Variants in WWP1 observed in about 807,000 individuals in gnomAD.
WWP1 encodes NEDD4-like E3 ubiquitin-protein ligase WWP1.
In WWP1, 49 loss-of-function variants were observed where a neutral mutation model predicts 130.6. That is an observed-to-expected ratio of 0.38 (90% confidence interval 0.30 to 0.48). WWP1 has a LOEUF of 0.48. Among genes scored for constraint, WWP1 ranks in the 20% least tolerant of loss-of-function variants. The pLI, the probability that WWP1 is intolerant of heterozygous loss-of-function variation, is 0.99. For synonymous variants in WWP1, 332 were observed against 367.8 expected (o/e 0.90, Z 1.11); for missense variants, 809 against 1,100.6 (o/e 0.74, Z 3.75).
rs1029097806 is a variant in WWP1, at chr8:86,345,279, T to G, written c.-115+2349T>G. Reference sequence around the variant, plus strand: ...GTGCTACTTTACAACTTTTTGGAGATTACTAATTCTTGGTAAAATGCTGGC... The same window carrying G: ...GTGCTACTTTACAACTTTTTGGAGAGTACTAATTCTTGGTAAAATGCTGGC... On this transcript the variant is annotated intron_variant, in intron 1 of 24. Coordinates refer to ENST00000517970, the MANE Select transcript of WWP1 (RefSeq NM_007013.4). Among the ~76,000 whole-genome samples the G allele has an allele frequency of 2.0e-5, 3 of 152,312 alleles. No individual in the cohort carries two copies. In the East Asian group the frequency reaches 5.8e-4, roughly 29 times the overall value.
At chr8:86,389,806 C>A (rs567028010) in intron 5 of WWP1, among the ~76,000 whole-genome samples, 106 of 150,932 alleles carry the variant, frequency 7.0e-4, no homozygotes, top group South Asian at 1.7e-3. Flanking sequence ...ACCTCCCTCC[C>A]AGATGGGGCG....
intron 5 of WWP1, among the ~76,000 whole-genome samples, chr8:86,389,968 A>G (rs896438425): frequency 1.3e-4 from 20 of 149,000 alleles, no homozygotes; most frequent in Non-Finnish European, 2.1e-4. Context: ...GGGGCTCCTC[A>G]CTTCTCAGAC....
At chr8:86,360,155 AAAAAC>A (rs1823504289) in intron 1 of WWP1, among the ~76,000 whole-genome samples, 1 of 152,104 alleles carries the variant, frequency 6.6e-6, no homozygotes, top group Admixed American at 6.5e-5. Flanking sequence ...AAAAAAAACA[AAAAAC>A]CAAACCAAAC....
intron 18 of WWP1, among the ~76,000 whole-genome samples, chr8:86,444,628 G>C (rs891680808): frequency 1.3e-5 from 2 of 152,180 alleles, no homozygotes; most frequent in African/African-American, 2.4e-5. Flanking sequence ...ATGGTCAACC[G>C]TCATATGTTA....
intron 9 of WWP1, among the ~76,000 whole-genome samples, chr8:86,422,040 A>G (rs1194336028): frequency 6.6e-6 from 1 of 152,122 alleles, no homozygotes; most frequent in Non-Finnish European, 1.5e-5. Context: ...AAGCACTCAC[A>G]TTTAAAAACA....
chr8:86,448,644 A>G (rs1811014659), intron 20 of WWP1, 131 bp downstream of exon 20: 7 of 788,272 alleles, frequency 8.9e-6, no homozygotes, highest in Non-Finnish European at 1.3e-5. Flanking sequence ...TGTTCTTGAA[A>G]AAAGAGAATA....
chr8:86,372,781 C>T (rs1301451662), intron 2 of WWP1, among the ~76,000 whole-genome samples: 5 of 152,048 alleles, frequency 3.3e-5, no homozygotes, highest in African/African-American at 9.7e-5. Flanking sequence ...TTTTCCCCTT[C>T]GTTAGTCTTA....
chr8:86,460,769 TA>T (rs1811715310), intron 22 of WWP1, among the ~76,000 whole-genome samples: 1 of 137,852 alleles, frequency 7.3e-6, no homozygotes, highest in African/African-American at 2.6e-5. Flanking sequence ...TGACAAACCC[TA>T]CAACCTCTTT....
In WWP1 at chr8:86,457,891, T is replaced by C. The variant is rs183941914; in HGVS notation, c.2395-30T>C. 13 of 1,593,058 alleles carry C rather than the reference T, an allele frequency of 8.2e-6. No individual in the cohort carries two copies. The Admixed American group carries it at 1.4e-4, about 17-fold the overall frequency. ...AATTATTCTCTTCACTAAATCTTTATTGTGGCCTGATTCTGTGCTCATTTC... is the reference window on the plus strand; with the variant it reads ...AATTATTCTCTTCACTAAATCTTTACTGTGGCCTGATTCTGTGCTCATTTC... On this transcript the variant is annotated intron_variant, in intron 21 of 24. Coordinates refer to ENST00000517970, the MANE Select transcript of WWP1 (RefSeq NM_007013.4).
In WWP1 at chr8:86,374,108, T is replaced by G; in HGVS notation, c.58T>G (p.Leu20Val). 6.2e-7 allele frequency: 1 copy of G among 1,607,256 alleles called. No individual in the cohort carries two copies. The highest frequency in any genetic ancestry group is 8.5e-7 in the Non-Finnish European group (1 of 1,177,660). Residue 20 changes from leucine to valine, a missense_variant, in exon 3 of 25, where the codon TTA becomes GTA. This residue lies in a region of WWP1 where 262 missense variants were observed against 346.0 expected (regional missense o/e 0.76). Transcript: ENST00000517970. ...TAATAACCACAGTGGAAGGTTGCAG[T>G]TACAGGTAACTGGTAAGTTATTTTT... ...TSNNHSGRLQLQVTVSSAKLK... is the reference protein window; with the variant it reads ...TSNNHSGRLQVQVTVSSAKLK...
intron 10 of WWP1, 22 bp downstream of exon 10, chr8:86,425,340 A>T: frequency 6.4e-7 from 1 of 1,552,936 alleles, no homozygotes. Context: ...CTCTTTATGC[A>T]TTTGTAATTA....
intron 1 of WWP1, among the ~76,000 whole-genome samples, chr8:86,354,201 T>G (rs1217354904): frequency 6.6e-6 from 1 of 152,226 alleles, no homozygotes. Context: ...AACCTGGCAC[T>G]TAGTTTTCAG....
chr8:86,427,550 C>G, intron 10 of WWP1, 93 bp from the exon 11 acceptor site: 1 of 1,335,804 alleles, frequency 7.5e-7, no homozygotes. Flanking sequence ...TTTAACATGT[C>G]TTGAACTTGA....
chr8:86,354,277 T>G (rs1411564117), intron 1 of WWP1, among the ~76,000 whole-genome samples: 1 of 152,212 alleles, frequency 6.6e-6, no homozygotes, highest in African/African-American at 2.4e-5. Flanking sequence ...CAGAATTTTC[T>G]TGAATTTTGG....
intron 5 of WWP1, among the ~76,000 whole-genome samples, chr8:86,391,432 C>T (rs533645292): frequency 2.0e-5 from 3 of 152,052 alleles, no homozygotes; most frequent in South Asian, 2.1e-4. Flanking sequence ...GCTTTCTTTC[C>T]CTTATGTCAC....
intron 1 of WWP1, among the ~76,000 whole-genome samples, chr8:86,349,034 T>C (rs183776621): frequency 0.012 from 1,895 of 152,240 alleles, 50 homozygotes; most frequent in Non-Finnish European, 0.013. Flanking sequence ...CCAGATCTTT[T>C]TTTTTGAGAG....
At chr8:86,445,612 G>A (rs1810818773) in intron 18 of WWP1, among the ~76,000 whole-genome samples, 1 of 152,068 alleles carries the variant, frequency 6.6e-6, no homozygotes, top group Non-Finnish European at 1.5e-5. Flanking sequence ...AGCGCTGTGG[G>A]GAACATACAG....
At chr8:86,425,870 T>C (rs1809594474) in intron 10 of WWP1, among the ~76,000 whole-genome samples, 1 of 152,242 alleles carries the variant, frequency 6.6e-6, no homozygotes, top group Non-Finnish European at 1.5e-5. Context: ...CCTTTACCTT[T>C]GTATTCTTTC....
rs555585296 is a variant in WWP1, at chr8:86,370,855, C to CTTTTTTTTTT, written c.-22+1843_-22+1852dup. 2.4e-3 allele frequency among the ~76,000 whole-genome samples: 107 copies of CTTTTTTTTTT among 44,886 alleles called. 29 individuals are homozygous for CTTTTTTTTTT. Among genetic ancestry groups the CTTTTTTTTTT allele is most frequent in the African/African-American group, 5.0e-3 (48 of 9,652 alleles). 29.4% of individuals were successfully genotyped at this position (44,886 alleles called of 152,430 possible). Reference sequence around the variant, plus strand: ...GGTATTGCTTATAGCTATATTCATTCTTTTTTTTTTTTTTTTTTTTTTTTT... The same window carrying CTTTTTTTTTT: ...GGTATTGCTTATAGCTATATTCATTCTTTTTTTTTTTTTTTTTTTTTTTTTTTTTTTTTTT... On this transcript the variant is annotated intron_variant, in intron 2 of 24. Coordinates refer to ENST00000517970, the MANE Select transcript of WWP1 (RefSeq NM_007013.4).
Sources: gnomAD v4.1 joint callset for allele counts (sites outside exome capture counted in the v4.1 genomes callset) on GRCh38, gnomAD v4.1.1 for gene constraint, gnomAD v4.1.1 regional missense constraint, MANE v1.5 for transcripts, NCBI Gene and HGNC (gene_info 2026-07-23, HGNC 2026-07-21) for gene names.